The following IDO2 variants were observed in gnomAD, a reference collection of about 807,000 sequenced individuals.
IDO2 encodes indoleamine 2,3-dioxygenase 2.
In IDO2, 46 loss-of-function variants were observed where a neutral mutation model predicts 45.1. The observed-to-expected ratio is 1.02, with a 90% CI of 0.80 to 1.30. The LOEUF (loss-of-function observed/expected upper bound fraction) is 1.30. Ranked by LOEUF, IDO2 falls within the 50% of genes most tolerant of loss-of-function variation. The pLI is 0.00. For missense variants in IDO2, 544 were observed against 491.8 expected (o/e 1.11, Z -1.00); for synonymous variants, 218 against 184.9 (o/e 1.18, Z -1.45).
Position 39,982,780 on chromosome 8 carries a change from G to T in IDO2, c.434+10G>T, listed in dbSNP as rs1808373664. 2.0e-6 allele frequency: 3 copies of T among 1,497,550 alleles called. No individual in the cohort carries two copies. The South Asian group carries it at 3.7e-5, about 19-fold the overall frequency. 92.8% of individuals were successfully genotyped at this position (1,497,550 alleles called of 1,614,324 possible). ...AAAAAGATCCAGACGGGTAAGGAAG[G>T]AAGAGAATGCTTTGAATTTCCATAA... On this transcript the variant is annotated intron_variant, in intron 5 of 10. Coordinates refer to ENST00000502986, the Ensembl canonical transcript of IDO2.
chr8:39,944,008 A>ATGGTTCCTTAATCT, intron 1 of IDO2, among the ~76,000 whole-genome samples: 6 of 152,138 alleles, frequency 3.9e-5, no homozygotes, highest in Non-Finnish European at 7.4e-5. Context: ...GATGTCTCAT[A>ATGGTTCCTTAATCT]AGGAACCATA....
chr8:39,973,321 C>T (rs967779572), intron 3 of IDO2, among the ~76,000 whole-genome samples: 2 of 152,054 alleles, frequency 1.3e-5, no homozygotes, highest in African/African-American at 2.4e-5. Flanking sequence ...ACACATGCTT[C>T]CTAGATCTAT....
Position 39,979,060 on chromosome 8 carries a change from T to C in IDO2, c.196-7T>C. On this transcript the variant is annotated splice_region_variant and splice_polypyrimidine_tract_variant and intron_variant, in intron 3 of 10. Coordinates refer to ENST00000502986, the Ensembl canonical transcript of IDO2. ...TCCTCTGACGGCATTTGGACTTTCA[T>C]GAACAGATGCCCCTGCTGAGCTGCC... 1 of 1,573,030 alleles carries C rather than the reference T, an allele frequency of 6.4e-7. No individual in the cohort carries two copies. Among genetic ancestry groups the C allele is most frequent in the Non-Finnish European group, 8.6e-7 (1 of 1,159,270 alleles).
chr8:39,994,443 G>C (rs954233987), intron 8 of IDO2, among the ~76,000 whole-genome samples: 2 of 152,048 alleles, frequency 1.3e-5, no homozygotes, highest in African/African-American at 4.8e-5. Flanking sequence ...TTTTAGTAGA[G>C]ACGGGCTTTC....
intron 2 of IDO2, among the ~76,000 whole-genome samples, chr8:39,962,805 C>T (rs1188189336): frequency 6.6e-6 from 1 of 152,022 alleles, no homozygotes. Context: ...CCAAGCAAAC[C>T]ATAGGTAGTA....
chr8:39,963,625 T>C (rs764520758), exon 3 of IDO2: 11 of 1,608,658 alleles, frequency 6.8e-6, no homozygotes, highest in Admixed American at 3.3e-5. Flanking sequence ...TTCCAGATCA[T>C]TATAGGCCTT....
intron 8 of IDO2, among the ~76,000 whole-genome samples, chr8:40,002,735 A>T (rs547006347): frequency 3.3e-5 from 5 of 152,284 alleles, no homozygotes; most frequent in African/African-American, 1.2e-4. Flanking sequence ...AGCCGCGATC[A>T]TGCCACTGTA....
intron 8 of IDO2, among the ~76,000 whole-genome samples, chr8:39,992,344 C>A (rs2129594865): frequency 6.6e-6 from 1 of 152,326 alleles, no homozygotes; most frequent in African/African-American, 2.4e-5. Flanking sequence ...CATCAAAGAG[C>A]CATGTGGGTT....
At chr8:39,995,549 T>G (rs1378492752) in intron 8 of IDO2, among the ~76,000 whole-genome samples, 1 of 151,968 alleles carries the variant, frequency 6.6e-6, no homozygotes, top group East Asian at 1.9e-4. Context: ...CCCAAAGTGC[T>G]GGGTGTGGGC....
intron 8 of IDO2, among the ~76,000 whole-genome samples, chr8:40,001,026 G>A (rs374693169): frequency 2.6e-5 from 4 of 151,488 alleles, no homozygotes; most frequent in African/African-American, 7.3e-5. Context: ...ACAAGGTCTC[G>A]CTACATGGCC....
At chr8:39,934,820 A>C in exon 1 of IDO2, 2 of 345,890 alleles carry the variant, frequency 5.8e-6, no homozygotes, top group South Asian at 5.3e-5. Context: ...ATGAATGCAA[A>C]GGCTGGTGCC....
chr8:39,981,340 G>A (rs899336136), intron 4 of IDO2, among the ~76,000 whole-genome samples: 8 of 152,150 alleles, frequency 5.3e-5, no homozygotes, highest in East Asian at 3.9e-4. Flanking sequence ...GATTACAGGC[G>A]TGAGCCACCG....
chr8:39,993,507 T>C (rs1444062151), intron 8 of IDO2, among the ~76,000 whole-genome samples: 1 of 152,150 alleles, frequency 6.6e-6, no homozygotes, highest in Non-Finnish European at 1.5e-5. Flanking sequence ...TTTGAGTAAA[T>C]TGGGGCTAAG....
At chr8:39,994,549 G>A (rs187289642) in intron 8 of IDO2, among the ~76,000 whole-genome samples, 182 of 152,184 alleles carry the variant, frequency 1.2e-3, no homozygotes, top group Non-Finnish European at 2.3e-3. Context: ...GAGCCACCGC[G>A]CCTGGACTGA....
intron 3 of IDO2, among the ~76,000 whole-genome samples, chr8:39,964,287 A>G (rs1490528519): frequency 6.6e-6 from 1 of 152,240 alleles, no homozygotes; most frequent in African/African-American, 2.4e-5. Flanking sequence ...CCAACCTAAT[A>G]GCTATGTAAC....
intron 1 of IDO2, among the ~76,000 whole-genome samples, chr8:39,948,503 C>T (rs1807770839): frequency 6.6e-6 from 1 of 152,182 alleles, no homozygotes; most frequent in South Asian, 2.1e-4. Flanking sequence ...AGATTTTCTC[C>T]TTTACCTGAC....
intron 1 of IDO2, among the ~76,000 whole-genome samples, chr8:39,942,602 G>C (rs931561078): frequency 2.0e-5 from 3 of 150,564 alleles, no homozygotes. Context: ...ATCAAGCCAC[G>C]GCACTCCAGC....
intron 8 of IDO2, among the ~76,000 whole-genome samples, chr8:39,991,326 C>T (rs751799676): frequency 6.6e-5 from 10 of 152,240 alleles, no homozygotes; most frequent in Non-Finnish European, 1.5e-4. Context: ...CTTTGCCAAG[C>T]TGAAATGAGA....
intron 5 of IDO2, among the ~76,000 whole-genome samples, chr8:39,983,158 T>C (rs989992913): frequency 6.6e-6 from 1 of 152,234 alleles, no homozygotes; most frequent in African/African-American, 2.4e-5. Flanking sequence ...AGAATGATTA[T>C]GGATGAATTC....
Sources: gnomAD v4.1 joint callset for allele counts (sites outside exome capture counted in the v4.1 genomes callset) on GRCh38, gnomAD v4.1.1 for gene constraint, MANE v1.5 for transcripts, NCBI Gene and HGNC (gene_info 2026-07-23, HGNC 2026-07-21) for gene names.